AFG2A: variants seen among roughly 807,000 people sequenced by gnomAD.
AFG2A encodes AAA ATPase AFG2A, also known as ATPase family gene 2 protein homolog A.
At chr4:123,109,493 G>C in the AFG2A span, among the ~76,000 whole-genome samples, 4 of 152,070 alleles carry the variant, frequency 2.6e-5, no homozygotes, top group Non-Finnish European at 5.9e-5. Context: ...TTATAGAAAG[G>C]TATTAGTAAT....
the AFG2A span, among the ~76,000 whole-genome samples, chr4:122,966,522 T>G: frequency 1.3e-5 from 2 of 152,220 alleles, no homozygotes; most frequent in African/African-American, 2.4e-5. Flanking sequence ...TCCCCCTGCT[T>G]GGAATAGTCG....
At chr4:122,941,081 T>A in the AFG2A span, among the ~76,000 whole-genome samples, 1 of 149,880 alleles carries the variant, frequency 6.7e-6, no homozygotes, top group Non-Finnish European at 1.5e-5. Flanking sequence ...CCTCCAGCTT[T>A]GTTCTTTTGG....
chr4:123,143,127 C>A, the AFG2A span, among the ~76,000 whole-genome samples: 1 of 151,500 alleles, frequency 6.6e-6, no homozygotes, highest in South Asian at 2.1e-4. Flanking sequence ...CTGAAACACT[C>A]TGGTCCCAAG....
the AFG2A span, among the ~76,000 whole-genome samples, chr4:123,053,915 A>G: frequency 6.6e-6 from 1 of 152,154 alleles, no homozygotes; most frequent in East Asian, 1.9e-4. Context: ...GGGGAGGATC[A>G]GAGTCCCAGG....
At chr4:123,246,434 A>G in the AFG2A span, among the ~76,000 whole-genome samples, 1 of 152,136 alleles carries the variant, frequency 6.6e-6, no homozygotes, top group Non-Finnish European at 1.5e-5. Context: ...CTCTTTCCTC[A>G]TTAAAAACCT....
the AFG2A span, among the ~76,000 whole-genome samples, chr4:123,248,777 T>C: frequency 6.6e-6 from 1 of 152,204 alleles, no homozygotes. Flanking sequence ...TTTCAATCTA[T>C]TATTCTAACC....
chr4:123,137,802 ATTAC>A, the AFG2A span, among the ~76,000 whole-genome samples: 1 of 151,612 alleles, frequency 6.6e-6, no homozygotes, highest in Non-Finnish European at 1.5e-5. Context: ...AATATTTTTT[ATTAC>A]TTTAATTCAT....
At chr4:122,932,173 G>T in the AFG2A span, among the ~76,000 whole-genome samples, 3 of 151,822 alleles carry the variant, frequency 2.0e-5, no homozygotes, top group Non-Finnish European at 4.4e-5. Flanking sequence ...TACTCCAGAG[G>T]CTGAGGTGGG....
chr4:123,181,133 C>G, the AFG2A span, among the ~76,000 whole-genome samples: 1 of 152,090 alleles, frequency 6.6e-6, no homozygotes, highest in East Asian at 1.9e-4. Flanking sequence ...TACAGGCACC[C>G]GCCACCGCGC....
At chr4:123,055,118 G>A in the AFG2A span, among the ~76,000 whole-genome samples, 6 of 152,078 alleles carry the variant, frequency 3.9e-5, no homozygotes, top group Admixed American at 1.3e-4. Context: ...TATGATTCAC[G>A]TGTAGTAAAT....
At chr4:123,032,212 G>A in the AFG2A span, among the ~76,000 whole-genome samples, 158 of 152,208 alleles carry the variant, frequency 1.0e-3, 3 homozygotes, top group South Asian at 0.016. Context: ...CTCTATACTT[G>A]TCTCAGAGAG....
the AFG2A span, among the ~76,000 whole-genome samples, chr4:123,186,620 T>C: frequency 9.9e-3 from 1,505 of 152,336 alleles, 37 homozygotes; most frequent in African/African-American, 0.034. Flanking sequence ...GAATGTCTTA[T>C]TGAATGTCTT....
At chr4:123,158,747 A>T in the AFG2A span, among the ~76,000 whole-genome samples, 6 of 152,236 alleles carry the variant, frequency 3.9e-5, no homozygotes, top group Non-Finnish European at 7.3e-5. Context: ...TGTCTGCAGC[A>T]GTCAGAGGAA....
the AFG2A span, among the ~76,000 whole-genome samples, chr4:123,121,262 AAT>A: frequency 1.4e-4 from 5 of 36,858 alleles, no homozygotes; most frequent in African/African-American, 2.4e-4. Flanking sequence ...AAAAAAAAAT[AAT>A]AAATAAAAAA....
the AFG2A span, among the ~76,000 whole-genome samples, chr4:123,185,672 T>C: frequency 2.6e-5 from 4 of 152,330 alleles, no homozygotes; most frequent in South Asian, 2.1e-4. Flanking sequence ...ATGATAGATA[T>C]GTTTTTTTCT....
At chr4:122,933,033 C>T in the AFG2A span, among the ~76,000 whole-genome samples, 1 of 152,134 alleles carries the variant, frequency 6.6e-6, no homozygotes, top group Admixed American at 6.5e-5. Flanking sequence ...ATATACACAT[C>T]CATAGATAAT....
chr4:122,968,961 GTTAC>G, the AFG2A span, among the ~76,000 whole-genome samples: 1 of 151,788 alleles, frequency 6.6e-6, no homozygotes, highest in Admixed American at 6.6e-5. Context: ...TTTCTGTAGG[GTTAC>G]TTTTTAAAAA....
At chr4:122,938,615 G>A in the AFG2A span, among the ~76,000 whole-genome samples, 1 of 152,146 alleles carries the variant, frequency 6.6e-6, no homozygotes, top group African/African-American at 2.4e-5. Flanking sequence ...TTTTGAGATT[G>A]AGTCTTGCCC....
the AFG2A span, among the ~76,000 whole-genome samples, chr4:123,195,767 C>T: frequency 6.6e-6 from 1 of 152,294 alleles, no homozygotes; most frequent in East Asian, 1.9e-4. Flanking sequence ...ACTTCAATAA[C>T]TCTTCCAGTC....
Sources: gnomAD v4.1 joint callset for allele counts (sites outside exome capture counted in the v4.1 genomes callset) on GRCh38, gnomAD v4.1.1 for gene constraint, MANE v1.5 for transcripts, NCBI Gene and HGNC (gene_info 2026-07-23, HGNC 2026-07-21) for gene names.